Variants in SUPT3H observed in about 807,000 individuals in gnomAD.
The protein encoded by SUPT3H is SPT3 homolog, SAGA and STAGA complex component.
In SUPT3H, 44 loss-of-function variants were observed where a neutral mutation model predicts 44.3. The observed-to-expected ratio is 0.99, with a 90% CI of 0.78 to 1.28. SUPT3H has a LOEUF of 1.28. SUPT3H is among the 50% of genes most tolerant of loss of function. The probability of loss-of-function intolerance (pLI) is 0.00; values close to 1 mark genes in which losing one functional copy is unlikely to be tolerated. For missense variants in SUPT3H, 380 were observed against 387.1 expected, an observed-to-expected ratio of 0.98 and a Z score of 0.15; for synonymous variants, 124 against 125.6, an observed-to-expected ratio of 0.99 and a Z score of 0.09.
At chr6:45,139,348 T>C (rs1010110108) in intron 2 of SUPT3H, among the ~76,000 whole-genome samples, 9 of 152,174 alleles carry the variant, frequency 5.9e-5, no homozygotes, top group Non-Finnish European at 1.5e-5. Context: ...TTAAAAAATA[T>C]ATTTTCTTGA....
chr6:45,362,251 T>A (rs1222809505), intron 2 of SUPT3H, among the ~76,000 whole-genome samples: 1 of 152,066 alleles, frequency 6.6e-6, no homozygotes, highest in Non-Finnish European at 1.5e-5. Flanking sequence ...GTGAAACCAT[T>A]CCCCAGAAAT....
chr6:45,081,252 T>A (rs1795772209), intron 3 of SUPT3H, among the ~76,000 whole-genome samples: 1 of 152,048 alleles, frequency 6.6e-6, no homozygotes, highest in Non-Finnish European at 1.5e-5. Flanking sequence ...GATCCTTAAC[T>A]CACTTCACTC....
chr6:44,882,871 T>C (rs562167036), intron 10 of SUPT3H, among the ~76,000 whole-genome samples: 1 of 152,320 alleles, frequency 6.6e-6, no homozygotes, highest in South Asian at 2.1e-4. Context: ...AACTAGGTAT[T>C]GATGGAACGT....
At position 45,075,205 on chromosome 6, in the gene SUPT3H, G is replaced by A. The variant is rs533093285; in HGVS notation, c.186+30717C>T. On this transcript the variant is annotated intron_variant, in intron 3 of 10. Coordinates refer to ENST00000371459, the MANE Select transcript of SUPT3H (RefSeq NM_003599.4). Reference sequence around the variant, plus strand: ...AATTATAGTATTTTGAAAATTATTCGTTTGCCATCAGTTACTTTCCACTTA... The same window carrying A: ...AATTATAGTATTTTGAAAATTATTCATTTGCCATCAGTTACTTTCCACTTA... 5.9e-5 allele frequency among the ~76,000 whole-genome samples: 9 copies of A among 152,098 alleles called. No homozygotes were observed. The East Asian group carries it at 1.4e-3, about 23-fold the overall frequency.
At chr6:45,057,948 C>T (rs535416939) in intron 3 of SUPT3H, among the ~76,000 whole-genome samples, 9 of 152,170 alleles carry the variant, frequency 5.9e-5, no homozygotes, top group South Asian at 2.1e-4. Context: ...ATCAATGTGA[C>T]GGTTACTACG....
rs761994312 is a variant in SUPT3H, at chr6:44,978,213, T to C, written c.505-16385A>G. Among the ~76,000 whole-genome samples the C allele has an allele frequency of 4.7e-4, 72 of 152,180 alleles. 2 individuals carry two copies. Among genetic ancestry groups the C allele is most frequent in the Non-Finnish European group, 1.2e-4 (8 of 68,020 alleles). On this transcript the variant is annotated intron_variant, in intron 6 of 10. Transcript: ENST00000371459. ...ATATATTTTCATAAAGAAGATTCTG[T>C]CAATGACAGCTACCATTTCTTAAAC... is the stretch of plus-strand genomic sequence containing the variant.
chr6:44,893,505 A>G (rs1409717489), intron 10 of SUPT3H, among the ~76,000 whole-genome samples: 1 of 152,208 alleles, frequency 6.6e-6, no homozygotes, highest in Non-Finnish European at 1.5e-5. Flanking sequence ...GTTTACTGAG[A>G]ATAATGATTT....
At chr6:45,364,354 G>A (rs564731511) in intron 2 of SUPT3H, among the ~76,000 whole-genome samples, 1 of 152,222 alleles carries the variant, frequency 6.6e-6, no homozygotes, top group African/African-American at 2.4e-5. Flanking sequence ...ACATAGTGAC[G>A]TTAATTCAAC....
chr6:45,359,020 A>G (rs1040950121), intron 2 of SUPT3H, among the ~76,000 whole-genome samples: 1 of 152,150 alleles, frequency 6.6e-6, no homozygotes, highest in Non-Finnish European at 1.5e-5. Context: ...TTACTCAAAT[A>G]ACTTCATCTA....
At chr6:45,135,798 T>A (rs999448831) in intron 2 of SUPT3H, among the ~76,000 whole-genome samples, 3 of 152,302 alleles carry the variant, frequency 2.0e-5, no homozygotes, top group Admixed American at 2.0e-4. Context: ...AGAAATTGCA[T>A]TCTGTTATTA....
intron 2 of SUPT3H, among the ~76,000 whole-genome samples, chr6:45,208,752 C>G: frequency 6.6e-6 from 1 of 150,772 alleles, no homozygotes; most frequent in African/African-American, 2.4e-5. Context: ...CAAAAAAATT[C>G]TCAGTGGAAA....
intron 2 of SUPT3H, among the ~76,000 whole-genome samples, chr6:45,342,302 AC>A (rs1789957473): frequency 6.6e-6 from 1 of 151,986 alleles, no homozygotes; most frequent in Non-Finnish European, 1.5e-5. Flanking sequence ...TCGCTCTGTC[AC>A]CAGGCTGGAG....
intron 2 of SUPT3H, among the ~76,000 whole-genome samples, chr6:45,281,805 G>A (rs1023939724): frequency 5.9e-5 from 9 of 152,184 alleles, no homozygotes; most frequent in Non-Finnish European, 1.0e-4. Context: ...GTGGGTCCCT[G>A]ATACCCGAAT....
In SUPT3H at chr6:45,280,516, T is replaced by A. The variant is rs550580416; in HGVS notation, c.101+84685A>T. 2.0e-5 allele frequency among the ~76,000 whole-genome samples: 3 copies of A among 151,834 alleles called. No individual in the cohort carries two copies. In the East Asian group the frequency reaches 5.8e-4, roughly 29 times the overall value. On this transcript the variant is annotated intron_variant, in intron 2 of 10. Transcript: ENST00000371459. ...AAACCAAAAAACAACAAAAAAAACC[T>A]CTTAGGTATAGATACAGAACCACAT...
chr6:45,126,307 C>A (rs1189795797), intron 2 of SUPT3H, among the ~76,000 whole-genome samples: 1 of 152,132 alleles, frequency 6.6e-6, no homozygotes, highest in African/African-American at 2.4e-5. Context: ...AATGTCCTCC[C>A]TTGAGAATTT....
At chr6:45,224,763 G>C (rs1766640052) in intron 2 of SUPT3H, among the ~76,000 whole-genome samples, 1 of 150,060 alleles carries the variant, frequency 6.7e-6, no homozygotes, top group Non-Finnish European at 1.5e-5. Context: ...GGGCGAAAGA[G>C]TGAGACTTTG....
At chr6:44,934,482 G>C (rs1012967242) in intron 9 of SUPT3H, among the ~76,000 whole-genome samples, 1 of 152,158 alleles carries the variant, frequency 6.6e-6, no homozygotes, top group Non-Finnish European at 1.5e-5. Context: ...ATGAAACACT[G>C]ATCAAAAACT....
intron 2 of SUPT3H, among the ~76,000 whole-genome samples, chr6:45,249,081 T>G (rs1349733573): frequency 6.6e-6 from 1 of 152,156 alleles, no homozygotes; most frequent in African/African-American, 2.4e-5. Context: ...GTGATATCGT[T>G]TCTAAACTTT....
At chr6:45,128,985 C>G (rs1802985088) in intron 2 of SUPT3H, among the ~76,000 whole-genome samples, 1 of 152,132 alleles carries the variant, frequency 6.6e-6, no homozygotes, top group Non-Finnish European at 1.5e-5. Context: ...CACGCCTGGC[C>G]TCTATTAAAA....
Sources: gnomAD v4.1 joint callset for allele counts (sites outside exome capture counted in the v4.1 genomes callset) on GRCh38, gnomAD v4.1.1 for gene constraint, MANE v1.5 for transcripts, NCBI Gene and HGNC (gene_info 2026-07-23, HGNC 2026-07-21) for gene names.